Variants in SLC20A2 observed in about 807,000 individuals in gnomAD.
SLC20A2 encodes solute carrier family 20 member 2.
Under a neutral mutation model 61.0 loss-of-function variants are expected in SLC20A2, and 30 were observed. The ratio of observed to expected loss-of-function variants is 0.49; its 90% CI spans 0.37 to 0.67. The LOEUF is 0.67. SLC20A2 is among the 30% of genes least tolerant of loss of function. SLC20A2 has a pLI of 0.00. For synonymous variants in SLC20A2, 351 were observed against 353.3 expected (o/e 0.99, Z 0.07); for missense variants, 626 against 866.4 (o/e 0.72, Z 3.48).
intron 10 of SLC20A2, among the ~76,000 whole-genome samples, chr8:42,423,802 T>G (rs955125608): frequency 2.0e-5 from 3 of 152,216 alleles, no homozygotes; most frequent in Admixed American, 6.5e-5. Flanking sequence ...CTTCCGTGAA[T>G]GTAAAATGTT....
Position 42,521,181 on chromosome 8 carries a change from T to C in SLC20A2, c.-265+20640A>G, listed in dbSNP as rs1460716352. 9.0e-5 allele frequency among the ~76,000 whole-genome samples: 11 copies of C among 121,742 alleles called. 4 individuals carry two copies. Among genetic ancestry groups the C allele is most frequent in the Non-Finnish European group, 1.8e-4 (9 of 50,578 alleles). The allele number at this position is 121,742 out of a possible 152,430, so 79.9% of individuals were successfully genotyped here. ...CAAATGTTCATAGCAACACTATTTG[T>C]AAAAACAAAATAACCCAAATGTCCT... On this transcript the variant is annotated intron_variant, in intron 1 of 10. Coordinates refer to the SLC20A2 transcript ENST00000342228.
chr8:42,523,291 T>C (rs1040910386), intron 1 of SLC20A2, among the ~76,000 whole-genome samples: 2 of 151,834 alleles, frequency 1.3e-5, no homozygotes, highest in East Asian at 3.9e-4. Flanking sequence ...GATTGTGCCA[T>C]TGCACTCCAG....
chr8:42,442,317 AT>A (rs1392658173), intron 6 of SLC20A2, among the ~76,000 whole-genome samples: 1 of 151,662 alleles, frequency 6.6e-6, no homozygotes. Context: ...TTTCCCTTAT[AT>A]TTTTTTTCTA....
chr8:42,480,007 G>T (rs1229512874), intron 1 of SLC20A2, among the ~76,000 whole-genome samples: 1 of 152,204 alleles, frequency 6.6e-6, no homozygotes, highest in Non-Finnish European at 1.5e-5. Context: ...ATAATGCACA[G>T]ATGTGGACTG....
intron 1 of SLC20A2, chr8:42,536,410 A>G (rs1812700344): frequency 6.6e-6 from 1 of 152,322 alleles, no homozygotes; most frequent in Admixed American, 6.5e-5. Context: ...CCCAGGCTTC[A>G]TTCAAGGGCA....
intron 1 of SLC20A2, among the ~76,000 whole-genome samples, chr8:42,482,636 A>G (rs1487287866): frequency 6.6e-6 from 1 of 152,050 alleles, no homozygotes; most frequent in Non-Finnish European, 1.5e-5. Flanking sequence ...TAGGAAGATC[A>G]CCTGAGCCTG....
chr8:42,506,334 T>C (rs1038036998), intron 1 of SLC20A2, among the ~76,000 whole-genome samples: 2 of 152,188 alleles, frequency 1.3e-5, no homozygotes. Context: ...CCTCGAGCAA[T>C]TGAGCTCACC....
chr8:42,426,324 A>T (rs1041068449), intron 10 of SLC20A2, among the ~76,000 whole-genome samples: 10 of 152,234 alleles, frequency 6.6e-5, no homozygotes, highest in Non-Finnish European at 1.2e-4. Flanking sequence ...TACAGTATAC[A>T]TACAAACGGA....
At chr8:42,438,091 A>G (rs1804488043) in intron 7 of SLC20A2, among the ~76,000 whole-genome samples, 4 of 136,490 alleles carry the variant, frequency 2.9e-5, no homozygotes, top group South Asian at 2.3e-4. Flanking sequence ...AAAAAAAAAC[A>G]TGGAAACATA....
chr8:42,485,862 C>T (rs1208629033), intron 1 of SLC20A2, among the ~76,000 whole-genome samples: 1 of 151,484 alleles, frequency 6.6e-6, no homozygotes. Context: ...AGGAGAATCG[C>T]TTGAACCCGG....
intron 1 of SLC20A2, among the ~76,000 whole-genome samples, chr8:42,476,936 A>C (rs892461425): frequency 6.6e-6 from 1 of 152,204 alleles, no homozygotes; most frequent in Non-Finnish European, 1.5e-5. Context: ...TCAATGACTC[A>C]CCTGAACCGT....
chr8:42,522,721 C>G lies in SLC20A2; in HGVS notation c.-265+19100G>C, dbSNP rs1811657036. On this transcript the variant is annotated intron_variant, in intron 1 of 10. Coordinates refer to the SLC20A2 transcript ENST00000342228. ...ATTGTAGCAAAAAGGTTTCTTTTCT[C>G]TTCTTTAGAGACTTGTTCTGTCACC... 6.4e-5 allele frequency among the ~76,000 whole-genome samples: 4 copies of G among 62,140 alleles called. 1 individual carries two copies. The South Asian group carries it at 2.6e-3, about 41-fold the overall frequency. 40.8% of individuals were successfully genotyped at this position (62,140 alleles called of 152,430 possible).
chr8:42,431,406 G>C (rs143822423), intron 8 of SLC20A2, among the ~76,000 whole-genome samples: 1,537 of 152,304 alleles, frequency 0.01, 33 homozygotes, highest in African/African-American at 0.034. Context: ...GAGAAGTCAG[G>C]AAGCTAAAGA....
rs11350697 is a variant in SLC20A2, at chr8:42,476,084, C to CTTTTTT, written c.-264-3436_-264-3431dup. Among the ~76,000 whole-genome samples the CTTTTTT allele has an allele frequency of 2.1e-4, 9 of 42,098 alleles. 1 individual carries two copies. Among genetic ancestry groups the CTTTTTT allele is most frequent in the Non-Finnish European group, 3.2e-4 (7 of 22,216 alleles). 27.6% of individuals were successfully genotyped at this position (42,098 alleles called of 152,430 possible). On this transcript the variant is annotated intron_variant, in intron 1 of 10. Coordinates refer to ENST00000520262, the MANE Select transcript of SLC20A2 (RefSeq NM_001257180.2). ...GGTGAAGTAGCCGGGTTTACTGTGT[C>CTTTTTT]TTTTTTTTTTTTTTTTTTTTTTTTT...
At chr8:42,492,573 T>C (rs1411189367) in intron 1 of SLC20A2, among the ~76,000 whole-genome samples, 2 of 152,224 alleles carry the variant, frequency 1.3e-5, no homozygotes, top group African/African-American at 4.8e-5. Context: ...GCTTTCTCAG[T>C]TCCGAGCATT....
At chr8:42,445,614 C>T (rs574773234) in intron 5 of SLC20A2, among the ~76,000 whole-genome samples, 1 of 152,276 alleles carries the variant, frequency 6.6e-6, no homozygotes, top group African/African-American at 2.4e-5. Context: ...GTAATCACAG[C>T]TACTCAGGAG....
chr8:42,459,854 A>G, intron 5 of SLC20A2, 42 bp downstream of exon 5: 2 of 1,267,934 alleles, frequency 1.6e-6, no homozygotes, highest in Middle Eastern at 4.0e-4. Context: ...GTTAGAATAC[A>G]ATGCACTTTG....
chr8:42,480,302 T>A (rs1179001055), intron 1 of SLC20A2, among the ~76,000 whole-genome samples: 2 of 152,224 alleles, frequency 1.3e-5, no homozygotes, highest in African/African-American at 2.4e-5. Flanking sequence ...TCTCTTTTTA[T>A]TTTTTTGACG....
chr8:42,478,883 A>G (rs892110698), intron 1 of SLC20A2, among the ~76,000 whole-genome samples: 1 of 146,278 alleles, frequency 6.8e-6, no homozygotes, highest in East Asian at 2.0e-4. Flanking sequence ...TGAAAAAAAG[A>G]AAAAAAAAAA....
Sources: allele counts gnomAD v4.1 joint callset (sites outside exome capture counted in the v4.1 genomes callset), GRCh38; gene constraint gnomAD v4.1.1; transcripts MANE v1.5; gene names NCBI Gene and HGNC (gene_info 2026-07-23, HGNC 2026-07-21).